SCN1A: variants seen among roughly 807,000 people sequenced by gnomAD.
SCN1A encodes the protein sodium channel protein type 1 subunit alpha.
Under a neutral mutation model 193.7 loss-of-function variants are expected in SCN1A, and 13 were observed. That is an observed-to-expected ratio of 0.07 (90% CI 0.04 to 0.11). SCN1A has a LOEUF of 0.11. SCN1A is among the 10% of genes least tolerant of loss of function. The pLI is 1.00. For missense variants in SCN1A, 1,432 were observed against 2,451.1 expected, an observed-to-expected ratio of 0.58 and a Z score of 8.78; for synonymous variants, 781 against 843.6, an observed-to-expected ratio of 0.93 and a Z score of 1.29.
At chr2:166,097,547 G>A (rs1687527224) in intron 2 of SCN1A, among the ~76,000 whole-genome samples, 1 of 151,958 alleles carries the variant, frequency 6.6e-6, no homozygotes, top group Non-Finnish European at 1.5e-5. Context: ...TTTGAAATAA[G>A]AGATATAAAA....
At chr2:166,030,297 C>G (rs566110492) in intron 19 of SCN1A, among the ~76,000 whole-genome samples, 1 of 152,076 alleles carries the variant, frequency 6.6e-6, no homozygotes, top group Non-Finnish European at 1.5e-5. Context: ...GCTGGAATAA[C>G]AGTGTGTCTT....
Position 166,105,249 on chromosome 2 carries a change from C to T in SCN1A, c.-142+21675G>A, listed in dbSNP as rs375392399. Among the ~76,000 whole-genome samples, 3 of 152,156 alleles carry T rather than the reference C, an allele frequency of 2.0e-5. No individual in the cohort carries two copies. The South Asian group carries it at 6.2e-4, about 32-fold the overall frequency. Reference sequence around the variant, plus strand: ...CATAAAAGTTTAAAAACAACTTCATCAAGGGTTTCCCTTTTGCCAAGTTAT... The same window carrying T: ...CATAAAAGTTTAAAAACAACTTCATTAAGGGTTTCCCTTTTGCCAAGTTAT... On this transcript the variant is annotated intron_variant, in intron 2 of 28. Transcript: ENST00000674923.
At position 165,999,738 on chromosome 2, in the gene SCN1A, T is replaced by C. The variant is rs750053363; in HGVS notation, c.4323A>G (p.Ala1441=). The C allele has an allele frequency of 1.1e-5, 17 of 1,606,712 alleles. No homozygotes were observed. In the South Asian group the frequency reaches 1.9e-4, roughly 18 times the overall value. The change falls in exon 25 of 29, where the codon GCA becomes GCG. Residue 1441 remains alanine, a synonymous_variant. Transcript: ENST00000674923. ...GAATACTTACATTTCTGGAATCAACTGCTGCATACATTATATCCATCCATC... is the reference window on the plus strand; with the variant it reads ...GAATACTTACATTTCTGGAATCAACCGCTGCATACATTATATCCATCCATC... ...FKGWMDIMYA[A]VDSRNVELQP... is the part of the protein sequence containing the mutation.
At position 166,144,740 on chromosome 2, in the gene SCN1A, C is replaced by T. The variant is rs59543626; in HGVS notation, c.-50+4307G>A. 6.6e-5 allele frequency among the ~76,000 whole-genome samples: 10 copies of T among 151,810 alleles called. 1 individual carries two copies. Among genetic ancestry groups the T allele is most frequent in the African/African-American group, 2.2e-4 (9 of 41,360 alleles). The stretch of plus-strand genomic sequence containing the variant: ...AGTTTTGCTTTGTAGGATAGTGGAA[C>T]GAGAAGTGAATTTGGCATTTGGAGA... On this transcript the variant is annotated intron_variant, in intron 1 of 26. Transcript: ENST00000635750.
intron 1 of SCN1A, among the ~76,000 whole-genome samples, chr2:166,143,030 G>A (rs904020221): frequency 5.9e-5 from 9 of 151,708 alleles, no homozygotes; most frequent in Admixed American, 2.6e-4. Context: ...CCAATCTTGG[G>A]TATGTCTTTA....
chr2:166,064,873 G>C (rs78231823), intron 4 of SCN1A, among the ~76,000 whole-genome samples: 3 of 152,132 alleles, frequency 2.0e-5, no homozygotes, highest in African/African-American at 7.2e-5. Flanking sequence ...ACAGGAAGGT[G>C]AGCTATGATG....
intron 19 of SCN1A, among the ~76,000 whole-genome samples, chr2:166,035,050 C>A (rs1458131141): frequency 6.6e-6 from 1 of 152,152 alleles, no homozygotes; most frequent in East Asian, 1.9e-4. Flanking sequence ...ATGCATAGGG[C>A]AGTGTAATTT....
chr2:166,038,702 G>C (rs1384850451), intron 17 of SCN1A, among the ~76,000 whole-genome samples: 1 of 152,084 alleles, frequency 6.6e-6, no homozygotes, highest in Non-Finnish European at 1.5e-5. Context: ...TATAAAGGTG[G>C]TTCTAAGGCC....
chr2:166,006,988 A>G (rs565562885), intron 23 of SCN1A, among the ~76,000 whole-genome samples: 1 of 151,424 alleles, frequency 6.6e-6, no homozygotes, highest in South Asian at 2.1e-4. Flanking sequence ...ACTAAATCAT[A>G]TTCAATGAAA....
chr2:166,074,209 T>G (rs1045022638), intron 3 of SCN1A, among the ~76,000 whole-genome samples: 2 of 152,208 alleles, frequency 1.3e-5, no homozygotes, highest in African/African-American at 4.8e-5. Flanking sequence ...TTCTAAGATT[T>G]GAGACAACTG....
At position 166,041,478 on chromosome 2, in the gene SCN1A, A is replaced by AT. The variant is rs1553543440; in HGVS notation, c.2177-10_2177-9insA. 91 of 1,394,918 alleles carry AT rather than the reference A, an allele frequency of 6.5e-5. No homozygotes were observed. Among genetic ancestry groups the AT allele is most frequent in the Non-Finnish European group, 7.7e-5 (79 of 1,019,654 alleles). The allele number at this position is 1,394,918 out of a possible 1,614,324, so 86.4% of individuals were successfully genotyped here. A position where few individuals can be genotyped will look rare whatever the true frequency, so the allele number is the denominator to read the frequency against. ...CCTGGATTCTTCAAGTTCTAGATTA[A>AT]GAAAAAAAAAAAAAAGAACCACCAA... On this transcript the variant is annotated splice_polypyrimidine_tract_variant and intron_variant, in intron 15 of 28. Transcript: ENST00000674923.
At chr2:166,142,739 C>T (rs1234774811) in intron 1 of SCN1A, among the ~76,000 whole-genome samples, 1 of 152,154 alleles carries the variant, frequency 6.6e-6, no homozygotes, top group Non-Finnish European at 1.5e-5. Context: ...GTGTCCCCAC[C>T]CAAATCTCAC....
intron 15 of SCN1A, 84 bp downstream of exon 15, chr2:166,042,208 C>T: frequency 1.4e-6 from 2 of 1,398,090 alleles, no homozygotes; most frequent in Non-Finnish European, 2.0e-6. Context: ...TGCACTATTC[C>T]CAACTCACAA....
chr2:166,145,359 T>C (rs1315227523), intron 1 of SCN1A, among the ~76,000 whole-genome samples: 3 of 152,260 alleles, frequency 2.0e-5, no homozygotes, highest in Middle Eastern at 3.4e-3. Flanking sequence ...TTAAAATTAC[T>C]TGAAAATACA....
chr2:166,054,954 C>T lies in SCN1A; in HGVS notation c.474-188G>A, dbSNP rs1698980679. Among the ~76,000 whole-genome samples the T allele has an allele frequency of 2.0e-5, 3 of 151,918 alleles. No homozygotes were observed. The South Asian group carries it at 6.2e-4, about 31-fold the overall frequency. ...AGCTTCCTAACACAAAGAGTTGTTTCGTAAAGTGTCTTAAGAGTAGTGTGA... is the reference window on the plus strand; with the variant it reads ...AGCTTCCTAACACAAAGAGTTGTTTTGTAAAGTGTCTTAAGAGTAGTGTGA... On this transcript the variant is annotated intron_variant, in intron 6 of 28. Transcript: ENST00000674923.
intron 19 of SCN1A, among the ~76,000 whole-genome samples, chr2:166,032,202 T>TACACACACAC: frequency 3.5e-4 from 27 of 77,178 alleles, no homozygotes; most frequent in African/African-American, 1.0e-3. Context: ...TTGAAAGTCA[T>TACACACACAC]ACACACACAC....
intron 6 of SCN1A, among the ~76,000 whole-genome samples, chr2:166,056,106 A>G (rs1559248885): frequency 1.3e-5 from 2 of 152,034 alleles, no homozygotes; most frequent in Non-Finnish European, 2.9e-5. Context: ...AATGTCTACC[A>G]TATTGGCTCT....
chr2:166,012,045 T>C (rs981905228), intron 22 of SCN1A, 64 bp downstream of exon 22: 3 of 1,450,610 alleles, frequency 2.1e-6, no homozygotes, highest in African/African-American at 2.8e-5. Flanking sequence ...CTCACTATTG[T>C]AGAATTTGAA....
chr2:166,018,617 C>CA (rs570018363), intron 19 of SCN1A, among the ~76,000 whole-genome samples: 115 of 152,000 alleles, frequency 7.6e-4, no homozygotes, highest in African/African-American at 2.7e-3. Flanking sequence ...TCTCAATTCA[C>CA]AAAAAAACCT....
Sources: allele counts gnomAD v4.1 joint callset (sites outside exome capture counted in the v4.1 genomes callset), GRCh38; gene constraint gnomAD v4.1.1; transcripts MANE v1.5; gene names NCBI Gene and HGNC (gene_info 2026-07-23, HGNC 2026-07-21).